ANKRD11: variants seen among roughly 807,000 people sequenced by gnomAD.
The protein encoded by ANKRD11 is ankyrin repeat domain 11.
Under a neutral mutation model 195.7 loss-of-function variants are expected in ANKRD11, and 17 were observed. The ratio of observed to expected loss-of-function variants is 0.09; its 90% CI spans 0.06 to 0.13. The LOEUF is 0.13. ANKRD11 is among the 10% of genes least tolerant of loss of function. The probability of loss-of-function intolerance (pLI) is 1.00; values close to 1 mark genes in which losing one functional copy is unlikely to be tolerated. For synonymous variants in ANKRD11, 1,953 were observed against 1,528.1 expected (o/e 1.28, Z -6.49); for missense variants, 3,735 against 3,566.1 (o/e 1.05, Z -1.21).
chr16:89,300,331 G>C (rs2035770574), intron 4 of ANKRD11: 1 of 208,878 alleles, frequency 4.8e-6, no homozygotes, highest in Admixed American at 5.8e-5. Context: ...CCACACACGT[G>C]AGTGCCTTGG....
intron 2 of ANKRD11, among the ~76,000 whole-genome samples, chr16:89,333,176 T>C (rs1453598195): frequency 6.6e-6 from 1 of 152,248 alleles, no homozygotes; most frequent in Admixed American, 6.5e-5. Flanking sequence ...TTTTGGGTCA[T>C]GCCTAAGGTC....
intron 2 of ANKRD11, among the ~76,000 whole-genome samples, chr16:89,388,668 C>T (rs534079651): frequency 4.6e-5 from 7 of 152,216 alleles, no homozygotes; most frequent in East Asian, 1.9e-4. Flanking sequence ...TGCGATGAGC[C>T]GGGGACCCCC....
chr16:89,282,845 T>C lies in ANKRD11; in HGVS notation c.3697A>G (p.Lys1233Glu). Reference protein sequence around the residue: ...RASVDSTQDKKNKQKLPEKAE... With the variant: ...RASVDSTQDKENKQKLPEKAE... ...TTCTCGGGGAGCTTCTGTTTATTTTTCTTATCTTGCGTGGAGTCCACTGAG... is the reference window on the plus strand; with the variant it reads ...TTCTCGGGGAGCTTCTGTTTATTTTCCTTATCTTGCGTGGAGTCCACTGAG... The change falls in exon 9 of 13, where the codon AAA (lysine) becomes GAA (glutamate). Residue 1233 changes from lysine to glutamate, a missense_variant. By Grantham distance (56) the Lys-to-Glu change is moderately conservative (BLOSUM62 1). Transcript: ENST00000301030. The C allele has an allele frequency of 6.2e-7, 1 of 1,612,062 alleles. No homozygotes were observed. Among genetic ancestry groups the C allele is most frequent in the Non-Finnish European group, 8.5e-7 (1 of 1,180,020 alleles).
At chr16:89,301,967 T>C (rs1281554068) in intron 4 of ANKRD11, among the ~76,000 whole-genome samples, 4 of 152,068 alleles carry the variant, frequency 2.6e-5, no homozygotes, top group African/African-American at 9.7e-5. Flanking sequence ...TCCGGCACGG[T>C]GGTGACCCTG....
chr16:89,382,986 G>T (rs764286705), intron 2 of ANKRD11, among the ~76,000 whole-genome samples: 1 of 152,192 alleles, frequency 6.6e-6, no homozygotes, highest in Non-Finnish European at 1.5e-5. Flanking sequence ...GATTACAGGC[G>T]TGAGCCACCG....
At chr16:89,382,969 G>C (rs1244628759) in intron 2 of ANKRD11, among the ~76,000 whole-genome samples, 1 of 152,192 alleles carries the variant, frequency 6.6e-6, no homozygotes. Context: ...GCCTCCCGAG[G>C]AGCTGGGATT....
intron 1 of ANKRD11, among the ~76,000 whole-genome samples, chr16:89,419,482 A>G (rs2042428095): frequency 6.6e-6 from 1 of 151,882 alleles, no homozygotes; most frequent in African/African-American, 2.4e-5. Flanking sequence ...GCTGAATAAA[A>G]CTATATAATT....
At chr16:89,302,124 C>T (rs1024926036) in intron 4 of ANKRD11, among the ~76,000 whole-genome samples, 1 of 152,254 alleles carries the variant, frequency 6.6e-6, no homozygotes, top group Non-Finnish European at 1.5e-5. Context: ...GCGCCTCTCC[C>T]TCCACCCCAC....
At chr16:89,327,176 A>G (rs535138852) in intron 2 of ANKRD11, among the ~76,000 whole-genome samples, 218 of 152,362 alleles carry the variant, frequency 1.4e-3, no homozygotes, top group African/African-American at 5.0e-3. Flanking sequence ...TCAACCATCA[A>G]TCAGTCAACG....
intron 2 of ANKRD11, among the ~76,000 whole-genome samples, chr16:89,382,637 G>A (rs1051180025): frequency 6.6e-6 from 1 of 150,922 alleles, no homozygotes; most frequent in Non-Finnish European, 1.5e-5. Context: ...ACACTTGGCC[G>A]ACAAATAAAC....
At chr16:89,387,957 G>A (rs1433049583) in intron 2 of ANKRD11, among the ~76,000 whole-genome samples, 5 of 149,836 alleles carry the variant, frequency 3.3e-5, no homozygotes, top group Admixed American at 6.7e-5. Flanking sequence ...AGGCTGCAGT[G>A]AGCCGAGATG....
chr16:89,385,699 C>T (rs2040876793), intron 2 of ANKRD11, among the ~76,000 whole-genome samples: 1 of 152,268 alleles, frequency 6.6e-6, no homozygotes, highest in Non-Finnish European at 1.5e-5. Flanking sequence ...TACAGTCCAT[C>T]ACGTACAGTC....
At chr16:89,315,671 G>A (rs2036911370) in intron 3 of ANKRD11, among the ~76,000 whole-genome samples, 1 of 152,234 alleles carries the variant, frequency 6.6e-6, no homozygotes, top group African/African-American at 2.4e-5. Context: ...CAGAGCAAGT[G>A]GGAGCAGACA....
At chr16:89,481,075 C>T (rs1447690525) in intron 1 of ANKRD11, among the ~76,000 whole-genome samples, 2 of 152,202 alleles carry the variant, frequency 1.3e-5, no homozygotes, top group Admixed American at 6.5e-5. Flanking sequence ...TTTTCTGTCT[C>T]CTTTGCTCTA....
At chr16:89,325,213 G>A (rs1166073716) in intron 2 of ANKRD11, 1 of 152,278 alleles carries the variant, frequency 6.6e-6, no homozygotes, top group African/African-American at 2.4e-5. Context: ...CACAGCAGAG[G>A]AGGCAAACAC....
At chr16:89,296,847 A>G (rs2035470883) in intron 4 of ANKRD11, among the ~76,000 whole-genome samples, 1 of 151,974 alleles carries the variant, frequency 6.6e-6, no homozygotes, top group Admixed American at 6.5e-5. Flanking sequence ...ATAAAACAGC[A>G]CAAATCCAAA....
At position 89,286,123 on chromosome 16, in the gene ANKRD11, G is replaced by A; in HGVS notation, c.808C>T (p.Pro270Ser). The change falls in exon 8 of 13, where the codon CCG becomes TCG. Residue 270 changes from proline to serine, a missense_variant. Coordinates refer to ENST00000301030, the MANE Select transcript of ANKRD11 (RefSeq NM_013275.6). ...PQQSNRKGETPLKVANSPTMV... is the reference protein window; with the variant it reads ...PQQSNRKGETSLKVANSPTMV... The stretch of plus-strand genomic sequence containing the variant: ...GTGGGGGAGTTGGCCACTTTCAGCG[G>A]CGTCTCGCCTTTCCTGTTGCTCTGC... The A allele has an allele frequency of 1.2e-6, 2 of 1,614,206 alleles. No individual in the cohort carries two copies. The highest frequency in any genetic ancestry group is 1.7e-6 in the Non-Finnish European group (2 of 1,180,040).
intron 1 of ANKRD11, among the ~76,000 whole-genome samples, chr16:89,470,737 C>G (rs1276460802): frequency 7.5e-6 from 1 of 133,884 alleles, no homozygotes; most frequent in African/African-American, 2.6e-5. Flanking sequence ...TGCCTGTAAT[C>G]CCAGCACTTT....
intron 2 of ANKRD11, among the ~76,000 whole-genome samples, chr16:89,340,216 T>C (rs912134702): frequency 2.6e-5 from 4 of 152,254 alleles, no homozygotes; most frequent in African/African-American, 4.8e-5. Flanking sequence ...TCACACTGTA[T>C]AGTCATTCAC....
Sources: allele counts gnomAD v4.1 joint callset (sites outside exome capture counted in the v4.1 genomes callset), GRCh38; gene constraint gnomAD v4.1.1; transcripts MANE v1.5; gene names NCBI Gene and HGNC (gene_info 2026-07-23, HGNC 2026-07-21).